The following STAU2 variants were observed in gnomAD, a reference collection of about 807,000 sequenced individuals.
STAU2 encodes the protein double-stranded RNA-binding protein Staufen homolog 2.
A neutral mutation model predicts 65.9 loss-of-function variants in STAU2; 20 were observed. That is an observed-to-expected ratio of 0.30 (90% CI 0.21 to 0.44). STAU2 has a LOEUF of 0.44. Ranked by LOEUF, STAU2 falls within the 20% of genes least tolerant of loss-of-function variation. The pLI, the probability that STAU2 is intolerant of heterozygous loss-of-function variation, is 1.00. For synonymous variants in STAU2, 232 were observed against 233.9 expected, an observed-to-expected ratio of 0.99 and a Z score of 0.07; for missense variants, 558 against 683.9, an observed-to-expected ratio of 0.82 and a Z score of 2.05.
At chr8:73,577,140 T>C (rs971870540) in intron 12 of STAU2, among the ~76,000 whole-genome samples, 1 of 152,126 alleles carries the variant, frequency 6.6e-6, no homozygotes, top group African/African-American at 2.4e-5. Context: ...TTAAATATAA[T>C]ATTTATGGCC....
chr8:73,468,002 T>A (rs940860098), intron 13 of STAU2, among the ~76,000 whole-genome samples: 1 of 152,134 alleles, frequency 6.6e-6, no homozygotes, highest in Non-Finnish European at 1.5e-5. Flanking sequence ...GCCAAGTCAA[T>A]CCTAAGCCAA....
At chr8:73,585,706 G>GT (rs1810319507) in intron 11 of STAU2, among the ~76,000 whole-genome samples, 2 of 152,170 alleles carry the variant, frequency 1.3e-5, no homozygotes, top group Non-Finnish European at 2.9e-5. Flanking sequence ...CTTACTTTCT[G>GT]TATTTCTTCT....
At position 73,421,471 on chromosome 8, in the gene STAU2, A is replaced by G; in HGVS notation, c.1620-6T>C. 4.6e-6 allele frequency: 7 copies of G among 1,537,290 alleles called. No homozygotes were observed. The highest frequency in any genetic ancestry group is 6.1e-6 in the Non-Finnish European group (7 of 1,146,912). ...CTCTCAGATGCTTGGCTTGTCTGAA[A>G]GATTAATACATTAACAAGAGCTGAA... On this transcript the variant is annotated splice_polypyrimidine_tract_variant and splice_region_variant and intron_variant, in intron 14 of 14. Coordinates refer to ENST00000524300, the MANE Select transcript of STAU2 (RefSeq NM_001164380.2).
chr8:73,620,648 T>C (rs1813160149), intron 6 of STAU2, among the ~76,000 whole-genome samples: 1 of 152,220 alleles, frequency 6.6e-6, no homozygotes, highest in African/African-American at 2.4e-5. Context: ...TGTGGATATA[T>C]ATGTATATAT....
At chr8:73,471,578 G>A (rs1433379798) in intron 13 of STAU2, among the ~76,000 whole-genome samples, 6 of 150,796 alleles carry the variant, frequency 4.0e-5, no homozygotes, top group African/African-American at 1.5e-4. Flanking sequence ...CAACACTTTG[G>A]GAGGCCGAGG....
chr8:73,742,776 C>T (rs1367805599), intron 1 of STAU2, among the ~76,000 whole-genome samples: 1 of 151,958 alleles, frequency 6.6e-6, no homozygotes, highest in Non-Finnish European at 1.5e-5. Flanking sequence ...CAACCTGTAA[C>T]TGCAATGTAC....
chr8:73,572,569 T>A (rs1809187138), intron 12 of STAU2, among the ~76,000 whole-genome samples: 1 of 152,156 alleles, frequency 6.6e-6, no homozygotes, highest in Non-Finnish European at 1.5e-5. Context: ...GTTGGCTTCA[T>A]CCCTGGGATG....
At chr8:73,423,682 AAGT>A (rs1244599332) in intron 13 of STAU2, among the ~76,000 whole-genome samples, 1 of 152,172 alleles carries the variant, frequency 6.6e-6, no homozygotes, top group East Asian at 1.9e-4. Flanking sequence ...GTAGCTGACT[AAGT>A]GCATGATTTC....
intron 13 of STAU2, among the ~76,000 whole-genome samples, chr8:73,451,475 C>T (rs867904012): frequency 2.6e-5 from 4 of 151,840 alleles, no homozygotes; most frequent in African/African-American, 9.7e-5. Context: ...TGTGTACACT[C>T]GGATTCAAAA....
intron 4 of STAU2, among the ~76,000 whole-genome samples, chr8:73,700,731 C>G (rs1276268308): frequency 1.3e-5 from 2 of 152,032 alleles, no homozygotes; most frequent in Non-Finnish European, 2.9e-5. Flanking sequence ...CATTCCCTAT[C>G]AAAATATCAA....
chr8:73,579,557 C>T (rs961233404), intron 12 of STAU2, among the ~76,000 whole-genome samples: 4 of 152,148 alleles, frequency 2.6e-5, no homozygotes, highest in African/African-American at 9.7e-5. Flanking sequence ...GTCAGTAGAT[C>T]TTTAAAATTC....
At chr8:73,616,278 T>A (rs1201421872) in intron 7 of STAU2, among the ~76,000 whole-genome samples, 1 of 152,230 alleles carries the variant, frequency 6.6e-6, no homozygotes, top group African/African-American at 2.4e-5. Context: ...GCCTCATATA[T>A]GCTGAACTTA....
chr8:73,436,569 TTTA>T (rs1817703286), intron 13 of STAU2, among the ~76,000 whole-genome samples: 1 of 11,324 alleles, frequency 8.8e-5, no homozygotes, highest in South Asian at 3.2e-3. Context: ...TTGCCAATTT[TTTA>T]TTTATTTATT....
intron 3 of STAU2, among the ~76,000 whole-genome samples, chr8:73,737,548 A>T (rs191086678): frequency 1.5e-4 from 22 of 151,196 alleles, no homozygotes; most frequent in African/African-American, 5.4e-4. Flanking sequence ...AAGAAATAAA[A>T]GTATTTTGTT....
chr8:73,615,949 A>C (rs1416961513), intron 7 of STAU2, 167 bp from the exon 8 acceptor site: 2 of 517,830 alleles, frequency 3.9e-6, no homozygotes, highest in East Asian at 6.5e-5. Context: ...CTTTGCTGCC[A>C]GGCTTTTTGT....
chr8:73,649,741 A>T (rs1484967197), intron 6 of STAU2, among the ~76,000 whole-genome samples: 1 of 151,532 alleles, frequency 6.6e-6, no homozygotes, highest in African/African-American at 2.4e-5. Context: ...ATATCACAAC[A>T]AAAGTTCCAA....
intron 13 of STAU2, among the ~76,000 whole-genome samples, chr8:73,491,275 C>A (rs1484308213): frequency 6.6e-6 from 1 of 151,976 alleles, no homozygotes; most frequent in South Asian, 2.1e-4. Flanking sequence ...GCTGAATTAA[C>A]GTTTTGGAAA....
intron 12 of STAU2, among the ~76,000 whole-genome samples, chr8:73,562,112 G>A (rs575712919): frequency 6.6e-6 from 1 of 152,356 alleles, no homozygotes; most frequent in East Asian, 1.9e-4. Context: ...ACAAGAAACT[G>A]TCAAGATATT....
At chr8:73,743,774 ATTTT>A (rs202012327) in intron 1 of STAU2, among the ~76,000 whole-genome samples, 2 of 123,552 alleles carry the variant, frequency 1.6e-5, no homozygotes, top group Non-Finnish European at 3.4e-5. Context: ...ATGCCCGGAC[ATTTT>A]TTTTTTTTTT....
Sources: allele counts gnomAD v4.1 joint callset (sites outside exome capture counted in the v4.1 genomes callset), GRCh38; gene constraint gnomAD v4.1.1; transcripts MANE v1.5; gene names NCBI Gene and HGNC (gene_info 2026-07-23, HGNC 2026-07-21).